The following GRIK2 variants were observed in gnomAD, a reference collection of about 807,000 sequenced individuals.
GRIK2 encodes glutamate receptor ionotropic, kainate 2.
GRIK2 carries 32 observed loss-of-function variants against 100.3 expected under a neutral mutation model. The observed-to-expected ratio is 0.32, with a 90% CI of 0.24 to 0.43. GRIK2 has a LOEUF of 0.43. Ranked by LOEUF, GRIK2 falls within the 20% of genes least tolerant of loss-of-function variation. The pLI, the probability that GRIK2 is intolerant of heterozygous loss-of-function variation, is 1.00. For missense variants in GRIK2, 843 were observed against 1,114.9 expected (o/e 0.76, Z 3.47); for synonymous variants, 417 against 389.4 (o/e 1.07, Z -0.83).
At chr6:101,794,306 C>T (rs778189784) in intron 7 of GRIK2, among the ~76,000 whole-genome samples, 1 of 152,106 alleles carries the variant, frequency 6.6e-6, no homozygotes, top group Non-Finnish European at 1.5e-5. Flanking sequence ...CTGCGTCGCT[C>T]ACGCTGGGAG....
At chr6:101,783,768 C>T (rs1273571306) in intron 7 of GRIK2, among the ~76,000 whole-genome samples, 1 of 152,152 alleles carries the variant, frequency 6.6e-6, no homozygotes, top group Non-Finnish European at 1.5e-5. Flanking sequence ...ATAGGTCTGT[C>T]TTGCTAGGCT....
chr6:101,723,670 G>T (rs896854564), intron 7 of GRIK2, among the ~76,000 whole-genome samples: 9 of 152,014 alleles, frequency 5.9e-5, no homozygotes, highest in Non-Finnish European at 1.0e-4. Flanking sequence ...CAACTAAACT[G>T]GTTAATGAAT....
rs560490856 is a variant in GRIK2, at chr6:101,837,053, A to C, written c.1317+18570A>C. On this transcript the variant is annotated intron_variant, in intron 10 of 16. Coordinates refer to ENST00000369134, the MANE Select transcript of GRIK2 (RefSeq NM_021956.5). Reference sequence around the variant, plus strand: ...AACTCAGTTCCTTCAGTCTTGAGATATTTTCTTAACATTAGTTAACATGGT... The same window carrying C: ...AACTCAGTTCCTTCAGTCTTGAGATCTTTTCTTAACATTAGTTAACATGGT... Among the ~76,000 whole-genome samples, 5 of 152,130 alleles carry C rather than the reference A, an allele frequency of 3.3e-5. No individual in the cohort carries two copies. The South Asian group carries it at 1.0e-3, about 32-fold the overall frequency.
At chr6:101,981,137 C>T (rs1370840374) in intron 14 of GRIK2, among the ~76,000 whole-genome samples, 4 of 151,734 alleles carry the variant, frequency 2.6e-5, no homozygotes, top group South Asian at 2.1e-4. Context: ...TGCCCAGAAG[C>T]AGACCCAAGC....
At chr6:101,827,756 T>C (rs536917050) in intron 10 of GRIK2, among the ~76,000 whole-genome samples, 1 of 152,062 alleles carries the variant, frequency 6.6e-6, no homozygotes, top group Admixed American at 6.6e-5. Flanking sequence ...GCATATGTAT[T>C]CAATATTGGA....
chr6:101,534,070 T>C (rs1344541131), intron 2 of GRIK2, among the ~76,000 whole-genome samples: 1 of 151,832 alleles, frequency 6.6e-6, no homozygotes. Context: ...AATACAGATA[T>C]TTTCCTCAAT....
intron 2 of GRIK2, among the ~76,000 whole-genome samples, chr6:101,579,607 C>T (rs907456737): frequency 2.0e-5 from 3 of 152,020 alleles, no homozygotes; most frequent in African/African-American, 7.2e-5. Context: ...AATCCCAGCA[C>T]TTTGGGAGGC....
chr6:102,023,166 T>C, intron 14 of GRIK2, among the ~76,000 whole-genome samples: 1 of 151,608 alleles, frequency 6.6e-6, no homozygotes, highest in Non-Finnish European at 1.5e-5. Flanking sequence ...AGGAATCTAG[T>C]GGGCTAATTA....
At chr6:101,909,909 AATAAT>A (rs1307861894) in intron 12 of GRIK2, among the ~76,000 whole-genome samples, 4 of 151,202 alleles carry the variant, frequency 2.6e-5, no homozygotes, top group African/African-American at 9.7e-5. Flanking sequence ...AATTATGTAA[AATAAT>A]ATAATGCAGC....
intron 2 of GRIK2, among the ~76,000 whole-genome samples, chr6:101,608,811 G>GTGTGTA (rs1554227939): frequency 5.1e-5 from 5 of 98,178 alleles, no homozygotes; most frequent in East Asian, 5.9e-4. Flanking sequence ...GTGTGTGTGT[G>GTGTGTA]TGTATGTATG....
chr6:102,003,680 G>GA (rs1474336660), intron 14 of GRIK2, among the ~76,000 whole-genome samples: 1 of 151,600 alleles, frequency 6.6e-6, no homozygotes, highest in Non-Finnish European at 1.5e-5. Context: ...CAGTTTGCTG[G>GA]AAAAAATTAG....
intron 7 of GRIK2, among the ~76,000 whole-genome samples, chr6:101,714,033 A>G (rs1237239553): frequency 6.6e-6 from 1 of 151,760 alleles, no homozygotes; most frequent in Non-Finnish European, 1.5e-5. Flanking sequence ...TCTTTTTAGT[A>G]AAATAAAGAT....
intron 2 of GRIK2, among the ~76,000 whole-genome samples, chr6:101,593,463 C>T (rs980960977): frequency 9.2e-5 from 14 of 151,806 alleles, no homozygotes; most frequent in Non-Finnish European, 1.5e-5. Flanking sequence ...TTCAAACATA[C>T]CATGAGCTAG....
At chr6:101,980,080 G>A (rs759241869) in intron 14 of GRIK2, among the ~76,000 whole-genome samples, 3 of 152,022 alleles carry the variant, frequency 2.0e-5, no homozygotes, top group South Asian at 2.1e-4. Context: ...GCTGGTGAGC[G>A]GGTGAGGAAA....
At chr6:101,835,546 C>T (rs1422372728) in intron 10 of GRIK2, among the ~76,000 whole-genome samples, 1 of 143,172 alleles carries the variant, frequency 7.0e-6, no homozygotes, top group African/African-American at 2.6e-5. Flanking sequence ...CCTCGGCTCA[C>T]TGCAACTTCC....
chr6:101,662,283 T>G (rs1769684914), intron 4 of GRIK2, among the ~76,000 whole-genome samples: 1 of 152,130 alleles, frequency 6.6e-6, no homozygotes, highest in African/African-American at 2.4e-5. Flanking sequence ...AGAAAGAAAA[T>G]AATGAAACAG....
chr6:101,839,652 A>G (rs1783374227), intron 10 of GRIK2, among the ~76,000 whole-genome samples: 1 of 152,182 alleles, frequency 6.6e-6, no homozygotes, highest in Non-Finnish European at 1.5e-5. Flanking sequence ...AGAACAGCCA[A>G]AAAATATTGC....
chr6:101,947,913 A>T (rs967465104), intron 14 of GRIK2, among the ~76,000 whole-genome samples: 1 of 152,162 alleles, frequency 6.6e-6, no homozygotes, highest in Non-Finnish European at 1.5e-5. Context: ...ATTAATAATT[A>T]TTTCAGGTAA....
At chr6:102,005,711 T>TAATC (rs1427505411) in intron 14 of GRIK2, among the ~76,000 whole-genome samples, 2 of 152,162 alleles carry the variant, frequency 1.3e-5, no homozygotes, top group Non-Finnish European at 2.9e-5. Context: ...ACCTCAAACG[T>TAATC]AATCAGTGAA....
Sources: allele counts gnomAD v4.1 joint callset (sites outside exome capture counted in the v4.1 genomes callset), GRCh38; gene constraint gnomAD v4.1.1; transcripts MANE v1.5; gene names NCBI Gene and HGNC (gene_info 2026-07-23, HGNC 2026-07-21).